Variants in TGFBR3 observed in about 807,000 individuals in gnomAD.
TGFBR3 encodes transforming growth factor beta receptor 3, also known as transforming growth factor beta receptor type 3.
A neutral mutation model predicts 87.9 loss-of-function variants in TGFBR3; 46 were observed. That is an observed-to-expected ratio of 0.52 (90% CI 0.41 to 0.67). TGFBR3 has a LOEUF of 0.67. TGFBR3 is among the 30% of genes least tolerant of loss of function. The pLI is 0.00. For missense variants in TGFBR3, 866 were observed against 1,041.9 expected, an observed-to-expected ratio of 0.83 and a Z score of 2.32; for synonymous variants, 381 against 391.6, an observed-to-expected ratio of 0.97 and a Z score of 0.32.
intron 14 of TGFBR3, 152 bp from the exon 15 acceptor site, chr1:91,698,282 TATA>T (rs1671499760): frequency 1.4e-6 from 1 of 713,414 alleles, no homozygotes; most frequent in Non-Finnish European, 2.5e-6. Context: ...ATATCAAAAC[TATA>T]ATGAGTTACC....
At chr1:91,800,316 A>G (rs898273167) in intron 2 of TGFBR3, among the ~76,000 whole-genome samples, 29 of 101,424 alleles carry the variant, frequency 2.9e-4, no homozygotes, top group Non-Finnish European at 5.0e-4. Flanking sequence ...GCATATATGT[A>G]TATATATGTG....
At chr1:91,757,320 A>G (rs1010239272) in intron 4 of TGFBR3, among the ~76,000 whole-genome samples, 3 of 152,208 alleles carry the variant, frequency 2.0e-5, no homozygotes, top group Non-Finnish European at 4.4e-5. Context: ...GTTCTCTCTC[A>G]TTTATAGGCA....
intron 2 of TGFBR3, among the ~76,000 whole-genome samples, chr1:91,847,915 TA>T (rs1677568164): frequency 6.6e-6 from 1 of 152,078 alleles, no homozygotes; most frequent in South Asian, 2.1e-4. Context: ...AAGAGGCACA[TA>T]AAAGGAAGAA....
At chr1:91,898,936 G>A (rs539736375) in intron 2 of TGFBR3, among the ~76,000 whole-genome samples, 1 of 152,106 alleles carries the variant, frequency 6.6e-6, no homozygotes, top group Non-Finnish European at 1.5e-5. Context: ...TTGTTTATAA[G>A]TTGCCTTAAA....
At chr1:91,773,263 G>A (rs1412066115) in intron 3 of TGFBR3, among the ~76,000 whole-genome samples, 1 of 148,948 alleles carries the variant, frequency 6.7e-6, no homozygotes, top group Non-Finnish European at 1.5e-5. Context: ...TTTGGCTTAA[G>A]TATCTTACTT....
At chr1:91,802,015 G>C (rs1675648688) in intron 2 of TGFBR3, among the ~76,000 whole-genome samples, 1 of 152,216 alleles carries the variant, frequency 6.6e-6, no homozygotes, top group Non-Finnish European at 1.5e-5. Context: ...GCTAAAGGAC[G>C]TAGGTTAAAC....
intron 13 of TGFBR3, 67 bp downstream of exon 13, chr1:91,712,176 G>A (rs1672003650): frequency 2.0e-6 from 3 of 1,468,178 alleles, no homozygotes; most frequent in Non-Finnish European, 2.8e-6. Flanking sequence ...AAGACCTTGG[G>A]ATTAAACTTT....
At chr1:91,788,871 G>A (rs1675074357) in intron 3 of TGFBR3, among the ~76,000 whole-genome samples, 1 of 152,170 alleles carries the variant, frequency 6.6e-6, no homozygotes, top group South Asian at 2.1e-4. Context: ...ACACTTTCAG[G>A]AAATTATATA....
rs907133752 is a variant in TGFBR3 at position 91,727,869 on chromosome 1, C to G, written c.738-63G>C. Reference sequence around the variant, plus strand: ...TGCCAGAAAGTTGCAACTATCTCCCCTCTTCCAAGTCTTCATGTTTCTAGT... The same window carrying G: ...TGCCAGAAAGTTGCAACTATCTCCCGTCTTCCAAGTCTTCATGTTTCTAGT... On this transcript the variant is annotated intron_variant, in intron 6 of 16. Coordinates refer to ENST00000212355, the MANE Select transcript of TGFBR3 (RefSeq NM_003243.5). 3 of 1,586,748 alleles carry G rather than the reference C, an allele frequency of 1.9e-6. No homozygotes were observed. In the African/African-American group the frequency reaches 4.0e-5, roughly 21 times the overall value.
chr1:91,897,679 C>T (rs1265957527), intron 2 of TGFBR3, among the ~76,000 whole-genome samples: 1 of 152,182 alleles, frequency 6.6e-6, no homozygotes, highest in Non-Finnish European at 1.5e-5. Context: ...TGTTCCAAGA[C>T]TCATTTATTA....
At position 91,832,882 on chromosome 1, in the gene TGFBR3, C is replaced by T. The variant is rs547054198; in HGVS notation, c.61+28589G>A. 2.0e-5 allele frequency among the ~76,000 whole-genome samples: 3 copies of T among 151,872 alleles called. No individual in the cohort carries two copies. In the South Asian group the frequency reaches 6.2e-4, roughly 32 times the overall value. ...TATAAAAATATAAAAATGGTACATG[C>T]CTGTAATTCCAGCTACTCAGGAGAC... On this transcript the variant is annotated intron_variant, in intron 2 of 16. Transcript: ENST00000212355.
At chr1:91,894,224 C>T (rs200927015) in intron 2 of TGFBR3, among the ~76,000 whole-genome samples, 1 of 152,156 alleles carries the variant, frequency 6.6e-6, no homozygotes, top group East Asian at 1.9e-4. Flanking sequence ...GCCTTGCTTC[C>T]TCCATCTGTG....
At chr1:91,777,835 A>C (rs1455187156) in intron 3 of TGFBR3, among the ~76,000 whole-genome samples, 1 of 152,172 alleles carries the variant, frequency 6.6e-6, no homozygotes, top group African/African-American at 2.4e-5. Flanking sequence ...TCACTCCTGC[A>C]ATGCTTTGCA....
intron 1 of TGFBR3, among the ~76,000 whole-genome samples, chr1:91,873,282 C>CTTTTTTT (rs34364302): frequency 4.0e-5 from 4 of 100,922 alleles, no homozygotes; most frequent in African/African-American, 7.5e-5. Flanking sequence ...ATTTTCCCTT[C>CTTTTTTT]TTTTTTTTTT....
Position 91,885,869 on chromosome 1 carries a change from G to A in TGFBR3, c.-114+9C>T. On this transcript the variant is annotated intron_variant, in intron 1 of 16. Coordinates refer to ENST00000212355, the MANE Select transcript of TGFBR3 (RefSeq NM_003243.5). ...GGCTGCAGCGCCGCGGGGCTGGGCCGGCACGTACCTCGGAGGCGGTGTGTC... is the reference window on the plus strand; with the variant it reads ...GGCTGCAGCGCCGCGGGGCTGGGCCAGCACGTACCTCGGAGGCGGTGTGTC... The A allele has an allele frequency of 2.7e-6, 1 of 367,992 alleles. No homozygotes were observed. Among genetic ancestry groups the A allele is most frequent in the Non-Finnish European group, 5.5e-6 (1 of 183,274 alleles). The allele number at this position is 367,992 out of a possible 1,614,324, so 22.8% of individuals were successfully genotyped here. A position where few individuals can be genotyped will look rare whatever the true frequency, so the allele number is the denominator to read the frequency against.
chr1:91,875,800 GA>G (rs1678777463), intron 1 of TGFBR3, among the ~76,000 whole-genome samples: 3 of 36,974 alleles, frequency 8.1e-5, no homozygotes, highest in African/African-American at 8.8e-5. Flanking sequence ...GGGGGGGTGG[GA>G]GTGTGCAGCT....
intron 4 of TGFBR3, among the ~76,000 whole-genome samples, chr1:91,747,675 G>A (rs919615719): frequency 6.6e-6 from 1 of 152,118 alleles, no homozygotes; most frequent in Non-Finnish European, 1.5e-5. Context: ...TCATCTACAC[G>A]TTACTGTGAG....
intron 16 of TGFBR3, among the ~76,000 whole-genome samples, chr1:91,685,890 C>G (rs963131854): frequency 1.3e-5 from 2 of 152,184 alleles, no homozygotes; most frequent in East Asian, 3.9e-4. Flanking sequence ...CCTTACAAAC[C>G]ACATGTTGGT....
At chr1:91,736,446 T>C (rs973310489) in intron 4 of TGFBR3, among the ~76,000 whole-genome samples, 2 of 147,764 alleles carry the variant, frequency 1.4e-5, no homozygotes, top group Non-Finnish European at 3.0e-5. Flanking sequence ...TACCACTGAC[T>C]GCACACTTAC....
Sources: gnomAD v4.1 joint callset for allele counts (sites outside exome capture counted in the v4.1 genomes callset) on GRCh38, gnomAD v4.1.1 for gene constraint, MANE v1.5 for transcripts, NCBI Gene and HGNC (gene_info 2026-07-23, HGNC 2026-07-21) for gene names.